NRXN1: variants seen among roughly 807,000 people sequenced by gnomAD.
The protein encoded by NRXN1 is neurexin-1.
A neutral mutation model predicts 150.9 loss-of-function variants in NRXN1; 39 were observed. The ratio of observed to expected loss-of-function variants is 0.26; its 90% CI spans 0.20 to 0.34. The LOEUF is 0.34. Ranked by LOEUF, NRXN1 falls within the 10% of genes least tolerant of loss-of-function variation. The pLI is 1.00. For synonymous variants in NRXN1, 924 were observed against 757.0 expected, an observed-to-expected ratio of 1.22 and a Z score of -3.62; for missense variants, 1,815 against 1,949.9, an observed-to-expected ratio of 0.93 and a Z score of 1.30.
At chr2:50,061,581 A>C (rs1340799985) in intron 19 of NRXN1, among the ~76,000 whole-genome samples, 10 of 152,232 alleles carry the variant, frequency 6.6e-5, no homozygotes. Flanking sequence ...AGATCTATAC[A>C]TTCCGGGCTA....
Position 50,053,510 on chromosome 2 carries a change from G to C in NRXN1, c.3889C>G (p.Leu1297Val). ...AAGCCATTGTAGTACAGCCCAGAGAGCTGGCCCTGGAAGGGCTGGCCCTGC... is the reference window on the plus strand; with the variant it reads ...AAGCCATTGTAGTACAGCCCAGAGACCTGGCCCTGGAAGGGCTGGCCCTGC... ...KEQGQPFQGQ[L>V]SGLYYNGLKV... Residue 1297 changes from leucine (L) to valine (V), a missense_variant, in exon 21 of 23, where the codon CTC becomes GTC. Coordinates refer to ENST00000401669, the MANE Select transcript of NRXN1 (RefSeq NM_001330078.2). 1 of 1,614,094 alleles carries C rather than the reference G, an allele frequency of 6.2e-7. No homozygotes were observed.
At chr2:50,679,905 G>T (rs1298375969) in intron 5 of NRXN1, among the ~76,000 whole-genome samples, 1 of 152,046 alleles carries the variant, frequency 6.6e-6, no homozygotes, top group African/African-American at 2.4e-5. Context: ...GGCCAAGATG[G>T]GCAGATCACT....
chr2:50,296,329 C>T (rs1381146872), intron 17 of NRXN1, among the ~76,000 whole-genome samples: 2 of 152,120 alleles, frequency 1.3e-5, no homozygotes, highest in East Asian at 3.9e-4. Flanking sequence ...CATGCAATTG[C>T]CACAAGAGTT....
rs1233556035 is a variant in NRXN1, at chr2:50,346,480, C to G, written c.3365-109510G>C. On this transcript the variant is annotated intron_variant, in intron 17 of 22. Coordinates refer to ENST00000401669, the MANE Select transcript of NRXN1 (RefSeq NM_001330078.2). The surrounding 1 kb of genome is among the most constrained non-coding windows in gnomAD (Gnocchi z 5.0). The stretch of plus-strand genomic sequence containing the variant: ...CAGTACCTCGACAAGGAACGCCCCT[C>G]CCACCCCTCACCACCAACACCCGCG... Among the ~76,000 whole-genome samples the G allele has an allele frequency of 2.0e-5, 3 of 152,034 alleles. No homozygotes were observed. The highest frequency in any genetic ancestry group is 4.4e-5 in the Non-Finnish European group (3 of 68,018).
At chr2:50,415,871 C>T (rs2083497662) in intron 17 of NRXN1, among the ~76,000 whole-genome samples, 1 of 145,894 alleles carries the variant, frequency 6.9e-6, no homozygotes, top group African/African-American at 2.6e-5. Context: ...TCTGTAGAGG[C>T]TTGTAGTTTC....
intron 17 of NRXN1, among the ~76,000 whole-genome samples, chr2:50,398,640 G>A (rs1572827206): frequency 6.6e-6 from 1 of 152,138 alleles, no homozygotes; most frequent in Non-Finnish European, 1.5e-5. Flanking sequence ...TCCCTGTGTA[G>A]AGAAGTCCAA....
At chr2:50,604,765 C>A (rs1173845311) in intron 8 of NRXN1, among the ~76,000 whole-genome samples, 2 of 152,124 alleles carry the variant, frequency 1.3e-5, no homozygotes, top group Non-Finnish European at 2.9e-5. Context: ...CTTATAGAAC[C>A]TGTTTCATTT....
intron 21 of NRXN1, among the ~76,000 whole-genome samples, chr2:50,029,361 A>G (rs1688849578): frequency 6.6e-6 from 1 of 152,180 alleles, no homozygotes; most frequent in Admixed American, 6.5e-5. Flanking sequence ...AGCAGTCACT[A>G]CGGACTGAAT....
At chr2:50,803,706 G>C (rs963408010) in intron 5 of NRXN1, among the ~76,000 whole-genome samples, 1 of 152,134 alleles carries the variant, frequency 6.6e-6, no homozygotes, top group African/African-American at 2.4e-5. Context: ...GCTGAATATT[G>C]CTCCTCATAT....
chr2:50,472,424 G>A lies in NRXN1; in HGVS notation c.3118C>T (p.Pro1040Ser), dbSNP rs755865232. The A allele has an allele frequency of 6.2e-7, 1 of 1,612,180 alleles. No homozygotes were observed. Residue 1040 changes from proline (P) to serine (S), a missense_variant, in exon 16 of 23, where the codon CCA (proline) becomes TCA (serine). Transcript: ENST00000401669. ...CCTTCTTTGGCATGTACAAGTTTTG[G>A]TAAGGATTTGTATGTTTCTTTAGCT... is the stretch of plus-strand genomic sequence containing the variant. ...GVAKETYKSL[P>S]KLVHAKEGFQ...
chr2:50,774,428 C>T (rs1375726508), intron 5 of NRXN1, among the ~76,000 whole-genome samples: 11 of 152,076 alleles, frequency 7.2e-5, no homozygotes, highest in Non-Finnish European at 1.6e-4. Context: ...CTAAAAGTAA[C>T]ACTAAACAGT....
chr2:50,140,370 C>T (rs145583327), intron 18 of NRXN1, among the ~76,000 whole-genome samples: 202 of 152,106 alleles, frequency 1.3e-3, no homozygotes, highest in African/African-American at 4.6e-3. Context: ...TTCTTATCAC[C>T]GAAATCTGAT....
chr2:50,158,064 AGTGTGTGTGTGTGTGT>A (rs71401060), intron 18 of NRXN1, among the ~76,000 whole-genome samples: 111 of 134,040 alleles, frequency 8.3e-4, no homozygotes, highest in Admixed American at 2.8e-3. Flanking sequence ...TAAGAAGTTG[AGTGTGTGTGTGTGTGT>A]GTGTGTGTGT....
intron 5 of NRXN1, among the ~76,000 whole-genome samples, chr2:50,703,608 T>C (rs1427801502): frequency 1.3e-5 from 2 of 152,070 alleles, no homozygotes; most frequent in Non-Finnish European, 1.5e-5. Context: ...ACCCATGGAG[T>C]GCCATAAAGG....
intron 2 of NRXN1, among the ~76,000 whole-genome samples, chr2:50,992,562 A>G (rs114852097): frequency 1.3e-5 from 2 of 152,122 alleles, no homozygotes; most frequent in African/African-American, 2.4e-5. Flanking sequence ...TATTATGACA[A>G]TAAGCTGTTG....
At chr2:50,998,223 G>C (rs761557925) in intron 2 of NRXN1, among the ~76,000 whole-genome samples, 1 of 141,222 alleles carries the variant, frequency 7.1e-6, no homozygotes, top group Non-Finnish European at 1.5e-5. Flanking sequence ...AAGTTTATCA[G>C]AGACAATACT....
intron 15 of NRXN1, among the ~76,000 whole-genome samples, chr2:50,477,189 T>C (rs2090060392): frequency 6.6e-6 from 1 of 152,082 alleles, no homozygotes; most frequent in Admixed American, 6.6e-5. Context: ...TTAAGTTATG[T>C]AAATAATATT....
intron 5 of NRXN1, among the ~76,000 whole-genome samples, chr2:50,715,652 G>A (rs538863028): frequency 1.4e-4 from 22 of 151,912 alleles, no homozygotes; most frequent in Non-Finnish European, 2.8e-4. Context: ...TGAAGTCATC[G>A]TCCCCCATCT....
intron 14 of NRXN1, among the ~76,000 whole-genome samples, chr2:50,496,366 A>G (rs768520089): frequency 1.6e-4 from 24 of 152,172 alleles, no homozygotes; most frequent in Non-Finnish European, 2.8e-4. Context: ...TTGGAAAGCA[A>G]TATCTTTCAC....
Sources: allele counts gnomAD v4.1 joint callset (sites outside exome capture counted in the v4.1 genomes callset), GRCh38; gene constraint gnomAD v4.1.1; non-coding constraint Gnocchi (gnomAD v3.1); transcripts MANE v1.5; gene names NCBI Gene and HGNC (gene_info 2026-07-23, HGNC 2026-07-21).